TMEM156: variants seen among roughly 807,000 people sequenced by gnomAD.
The protein encoded by TMEM156 is transmembrane protein 156.
A neutral mutation model predicts 30.5 loss-of-function variants in TMEM156; 28 were observed. The ratio of observed to expected loss-of-function variants is 0.92; its 90% CI spans 0.68 to 1.26. The LOEUF is 1.26. Among genes scored for constraint, TMEM156 ranks in the 50% most tolerant of loss-of-function variants. The pLI, the probability that TMEM156 is intolerant of heterozygous loss-of-function variation, is 0.00. For synonymous variants in TMEM156, 137 were observed against 119.9 expected, an observed-to-expected ratio of 1.14 and a Z score of -0.93; for missense variants, 351 against 340.6, an observed-to-expected ratio of 1.03 and a Z score of -0.24.
chr4:38,986,374 G>A lies in TMEM156; in HGVS notation c.785C>T (p.Ser262Leu), dbSNP rs775228693. ...PTSVLLRGSD[S>L]EKLRALNVQV... Reference sequence around the variant, plus strand: ...CACATTCAATGCTCTCAGTTTCTCCGAATCACTTCCTCTTAAGAGAACAGA... The same window carrying A: ...CACATTCAATGCTCTCAGTTTCTCCAAATCACTTCCTCTTAAGAGAACAGA... Residue 262 changes from serine (S) to leucine (L), a missense_variant, in exon 5 of 7, where the codon TCG becomes TTG. By Grantham distance (145) the Ser-to-Leu change is moderately radical. Coordinates refer to ENST00000381938, the MANE Select transcript of TMEM156 (RefSeq NM_024943.3). The A allele has an allele frequency of 6.8e-6, 11 of 1,613,694 alleles. No individual in the cohort carries two copies. Among genetic ancestry groups the A allele is most frequent in the East Asian group, 2.2e-5 (1 of 44,864 alleles).
At position 38,988,977 on chromosome 4, in the gene TMEM156, A is replaced by C; in HGVS notation, c.620-7T>G. 1.2e-6 allele frequency: 2 copies of C among 1,608,126 alleles called. No homozygotes were observed. Among genetic ancestry groups the C allele is most frequent in the Non-Finnish European group, 1.7e-6 (2 of 1,176,776 alleles). ...TTCATGGAACAAGTGATATCTGTAA[A>C]GAAAACAAATACTGTAAAAACCCAG... On this transcript the variant is annotated splice_polypyrimidine_tract_variant and splice_region_variant and intron_variant, in intron 3 of 6. Coordinates refer to ENST00000381938, the MANE Select transcript of TMEM156 (RefSeq NM_024943.3).
intron 1 of TMEM156, among the ~76,000 whole-genome samples, chr4:39,024,031 G>C (rs1715043072): frequency 6.6e-6 from 1 of 152,054 alleles, no homozygotes; most frequent in Non-Finnish European, 1.5e-5. Flanking sequence ...TCTTTTGTTT[G>C]TTTATTTATT....
At chr4:39,009,441 CA>C (rs997018892) in intron 1 of TMEM156, among the ~76,000 whole-genome samples, 2 of 151,736 alleles carry the variant, frequency 1.3e-5, no homozygotes, top group African/African-American at 2.4e-5. Context: ...AAAGACACAA[CA>C]AAAAAAGGAA....
intron 1 of TMEM156, among the ~76,000 whole-genome samples, chr4:38,999,123 T>A (rs199890255): frequency 0.12 from 14,827 of 125,868 alleles, 900 homozygotes; most frequent in African/African-American, 0.16. Flanking sequence ...TTTTTTTTTT[T>A]TTTTTTTTTT....
chr4:38,998,631 T>G lies in TMEM156; in HGVS notation c.358+9A>C, dbSNP rs972761608. ...TACCATTTTATTCTCACCTTCACTT[T>G]GTGTTTACCTTTTGATGTTTGTTCC... On this transcript the variant is annotated intron_variant, in intron 2 of 6. Transcript: ENST00000381938. The G allele has an allele frequency of 1.2e-5, 20 of 1,603,580 alleles. No individual in the cohort carries two copies. Among genetic ancestry groups the G allele is most frequent in the African/African-American group, 2.7e-5 (2 of 74,556 alleles).
chr4:39,000,982 A>G (rs1449936783), intron 1 of TMEM156, among the ~76,000 whole-genome samples: 1 of 152,196 alleles, frequency 6.6e-6, no homozygotes, highest in Non-Finnish European at 1.5e-5. Flanking sequence ...TCTATGATTT[A>G]ATTCATAAAA....
At chr4:39,021,484 C>T (rs1011854872) in intron 1 of TMEM156, among the ~76,000 whole-genome samples, 1 of 151,882 alleles carries the variant, frequency 6.6e-6, no homozygotes, top group Non-Finnish European at 1.5e-5. Context: ...TATCCTTTGC[C>T]CATTTTTAAA....
chr4:39,003,347 A>T (rs1041411163), intron 1 of TMEM156, among the ~76,000 whole-genome samples: 22 of 152,082 alleles, frequency 1.4e-4, no homozygotes, highest in African/African-American at 5.3e-4. Flanking sequence ...ATTTTATTTT[A>T]TTTTAAGATG....
In TMEM156 at chr4:38,971,231, T is replaced by G; in HGVS notation, c.824-94A>C. Reference sequence around the variant, plus strand: ...TGTAGTAAGAGTAGCAAGAGAAGCATGCTCTACCTCTAGAAAGGATTTTGG... The same window carrying G: ...TGTAGTAAGAGTAGCAAGAGAAGCAGGCTCTACCTCTAGAAAGGATTTTGG... On this transcript the variant is annotated intron_variant, in intron 5 of 6. Transcript: ENST00000381938. 4 of 1,188,518 alleles carry G rather than the reference T, an allele frequency of 3.4e-6. No homozygotes were observed. In the Admixed American group the frequency reaches 8.0e-5, roughly 24 times the overall value. 73.6% of individuals were successfully genotyped at this position (1,188,518 alleles called of 1,614,324 possible).
chr4:38,971,895 T>A (rs1049787121), intron 5 of TMEM156, among the ~76,000 whole-genome samples: 3 of 152,096 alleles, frequency 2.0e-5, no homozygotes, highest in African/African-American at 7.2e-5. Flanking sequence ...GTTCAAGTGA[T>A]TCTCCTGCCT....
chr4:38,994,149 G>C, intron 2 of TMEM156, 151 bp from the exon 3 acceptor site: 1 of 732,052 alleles, frequency 1.4e-6, no homozygotes, highest in Non-Finnish European at 2.2e-6. Context: ...TTTTGAGACA[G>C]GGTCTCACTC....
At chr4:39,011,241 A>T (rs772755031) in intron 1 of TMEM156, among the ~76,000 whole-genome samples, 9 of 152,238 alleles carry the variant, frequency 5.9e-5, no homozygotes, top group East Asian at 3.8e-4. Context: ...ACTATTATTT[A>T]AAAAATCACA....
chr4:38,998,970 A>T, intron 1 of TMEM156, 61 bp from the exon 2 acceptor site: 2 of 1,455,796 alleles, frequency 1.4e-6, no homozygotes, highest in South Asian at 2.7e-5. Flanking sequence ...TGGCATTCAA[A>T]TAAATACACA....
chr4:38,974,904 C>A (rs940566061), intron 5 of TMEM156, among the ~76,000 whole-genome samples: 5 of 152,024 alleles, frequency 3.3e-5, no homozygotes, highest in Admixed American at 1.3e-4. Context: ...AACTCCTGAC[C>A]TCAGGTGAAC....
At chr4:39,006,704 T>G (rs1007429228) in intron 1 of TMEM156, among the ~76,000 whole-genome samples, 4 of 151,952 alleles carry the variant, frequency 2.6e-5, no homozygotes, top group Non-Finnish European at 5.9e-5. Flanking sequence ...GTCACTTGAG[T>G]CCAGGAGCTT....
intron 1 of TMEM156, among the ~76,000 whole-genome samples, chr4:39,027,140 C>T (rs1715248476): frequency 6.6e-6 from 1 of 151,936 alleles, no homozygotes; most frequent in Admixed American, 6.6e-5. Context: ...ATATTACTGG[C>T]ACATGTAAAT....
At chr4:39,005,149 A>G (rs191042179) in intron 1 of TMEM156, among the ~76,000 whole-genome samples, 131 of 152,342 alleles carry the variant, frequency 8.6e-4, no homozygotes, top group African/African-American at 3.1e-3. Flanking sequence ...TTCCACTCAT[A>G]TGACATTCAA....
At chr4:39,017,471 A>G (rs1238251326) in intron 1 of TMEM156, among the ~76,000 whole-genome samples, 3 of 151,724 alleles carry the variant, frequency 2.0e-5, no homozygotes, top group Non-Finnish European at 4.4e-5. Flanking sequence ...GAGCCACCGC[A>G]CCCAGCCCAA....
chr4:39,007,875 T>C (rs1352821004), intron 1 of TMEM156, among the ~76,000 whole-genome samples: 4 of 152,148 alleles, frequency 2.6e-5, no homozygotes, highest in Non-Finnish European at 1.5e-5. Context: ...GATTTCCTCC[T>C]AGGCGCCTTG....
Sources: allele counts gnomAD v4.1 joint callset (sites outside exome capture counted in the v4.1 genomes callset), GRCh38; gene constraint gnomAD v4.1.1; transcripts MANE v1.5; gene names NCBI Gene and HGNC (gene_info 2026-07-23, HGNC 2026-07-21).